The following KLF13 variants were observed in gnomAD, a reference collection of about 807,000 sequenced individuals.
KLF13 encodes the protein Krueppel-like factor 13.
Under a neutral mutation model 16.7 loss-of-function variants are expected in KLF13, and 8 were observed. The ratio of observed to expected loss-of-function variants is 0.48; its 90% CI spans 0.28 to 0.87. The LOEUF is 0.87. Among genes scored for constraint, KLF13 ranks in the 40% least tolerant of loss-of-function variants. KLF13 has a pLI of 0.10. For missense variants in KLF13, 447 were observed against 452.2 expected (o/e 0.99, Z 0.10); for synonymous variants, 245 against 208.4 (o/e 1.18, Z -1.51).
At chr15:31,415,908 G>A (rs766050755) in intron 1 of KLF13, among the ~76,000 whole-genome samples, 1 of 151,750 alleles carries the variant, frequency 6.6e-6, no homozygotes, top group Non-Finnish European at 1.5e-5. Context: ...TAATTTTTAG[G>A]TTGAAATTTT....
intron 1 of KLF13, among the ~76,000 whole-genome samples, chr15:31,338,166 A>T (rs1304838875): frequency 6.6e-6 from 1 of 152,200 alleles, no homozygotes; most frequent in African/African-American, 2.4e-5. Flanking sequence ...AAGTTCACTC[A>T]CTTTAGCCTT....
chr15:31,383,228 C>A (rs946255631), intron 1 of KLF13, among the ~76,000 whole-genome samples: 1 of 152,200 alleles, frequency 6.6e-6, no homozygotes, highest in African/African-American at 2.4e-5. Context: ...TAAACACACT[C>A]CAGTGGGTTT....
chr15:31,427,376 G>T (rs1252823049), intron 1 of KLF13, among the ~76,000 whole-genome samples: 1 of 151,958 alleles, frequency 6.6e-6, no homozygotes, highest in Admixed American at 6.6e-5. Context: ...ACAAGTGTTG[G>T]CAAGAATGTA....
intron 1 of KLF13, among the ~76,000 whole-genome samples, chr15:31,423,591 C>A (rs2141010987): frequency 6.6e-6 from 1 of 152,112 alleles, no homozygotes; most frequent in East Asian, 1.9e-4. Context: ...AAGATTGTGC[C>A]ATTGCACTCC....
intron 1 of KLF13, among the ~76,000 whole-genome samples, chr15:31,354,851 A>G (rs991035559): frequency 3.3e-5 from 5 of 152,158 alleles, no homozygotes; most frequent in South Asian, 4.1e-4. Context: ...TGCAATATCA[A>G]TTTGTCCATA....
chr15:31,328,044 C>G (rs1315978409), intron 1 of KLF13, among the ~76,000 whole-genome samples: 2 of 145,462 alleles, frequency 1.4e-5, no homozygotes, highest in African/African-American at 2.5e-5. Flanking sequence ...CGGGCGCGCT[C>G]GGGTGGGGCC....
chr15:31,327,221 C>G lies in KLF13; in HGVS notation c.9C>G (p.Ala3=), dbSNP rs772130220. ...CGGCCCCAGCCCGCAGCATGGCAGC[C>G]GCCGCCTATGTGGACCACTTCGCCG... is the stretch of plus-strand genomic sequence containing the variant. MA[A]AAYVDHFAAE... is the part of the protein sequence containing the mutation. The change falls in exon 1 of 2, where the codon GCC becomes GCG. Residue 3 remains alanine, a synonymous_variant. Coordinates refer to ENST00000307145, the MANE Select transcript of KLF13 (RefSeq NM_015995.4). 6 of 1,363,420 alleles carry G rather than the reference C, an allele frequency of 4.4e-6. 1 individual carries two copies. The highest frequency in any genetic ancestry group is 2.7e-4 in the Middle Eastern group (1 of 3,678). The allele number at this position is 1,363,420 out of a possible 1,614,324, so 84.5% of individuals were successfully genotyped here. A position where few individuals can be genotyped will look rare whatever the true frequency, so the allele number is the denominator to read the frequency against.
intron 1 of KLF13, among the ~76,000 whole-genome samples, chr15:31,361,264 C>T (rs1475087700): frequency 1.3e-5 from 2 of 152,134 alleles, no homozygotes; most frequent in Non-Finnish European, 2.9e-5. Context: ...TGTTCCTGTT[C>T]CATGCTGGGG....
At chr15:31,361,493 A>G (rs1449443857) in intron 1 of KLF13, among the ~76,000 whole-genome samples, 1 of 152,074 alleles carries the variant, frequency 6.6e-6, no homozygotes, top group Admixed American at 6.5e-5. Context: ...TGTTTGTGCC[A>G]TTGAGTGTCT....
At chr15:31,367,259 G>T (rs957198067) in intron 1 of KLF13, among the ~76,000 whole-genome samples, 1 of 152,208 alleles carries the variant, frequency 6.6e-6, no homozygotes, top group African/African-American at 2.4e-5. Context: ...CTCCTGTTGT[G>T]GGCCAGTTCA....
At chr15:31,385,821 C>T (rs2039790026) in intron 1 of KLF13, among the ~76,000 whole-genome samples, 1 of 152,178 alleles carries the variant, frequency 6.6e-6, no homozygotes, top group Admixed American at 6.5e-5. Context: ...GGAAGAGTCA[C>T]AGGTCTCTCA....
intron 1 of KLF13, among the ~76,000 whole-genome samples, chr15:31,359,276 G>A (rs2039346126): frequency 6.6e-6 from 1 of 152,206 alleles, no homozygotes; most frequent in South Asian, 2.1e-4. Context: ...GAAACCATTG[G>A]TATTCTATTA....
chr15:31,353,439 G>C (rs1169915416), intron 1 of KLF13, among the ~76,000 whole-genome samples: 1 of 152,190 alleles, frequency 6.6e-6, no homozygotes, highest in Non-Finnish European at 1.5e-5. Context: ...CAAAGTCCCT[G>C]CCATCTGGCC....
At position 31,327,126 on chromosome 15, in the gene KLF13, C is replaced by T. The variant is rs1303527992; in HGVS notation, c.-87C>T. On this transcript the variant is annotated 5_prime_UTR_variant, in exon 1 of 2. Coordinates refer to ENST00000307145, the MANE Select transcript of KLF13 (RefSeq NM_015995.4). ...AGGAGAGGGCGCGCCGCGCCCCCGCCCCCCGCCCGCTCTCCCGAGGCCGTG... is the reference window on the plus strand; with the variant it reads ...AGGAGAGGGCGCGCCGCGCCCCCGCTCCCCGCCCGCTCTCCCGAGGCCGTG... The T allele has an allele frequency of 2.6e-6, 3 of 1,140,870 alleles. No homozygotes were observed. Among genetic ancestry groups the T allele is most frequent in the Non-Finnish European group, 3.3e-6 (3 of 916,910 alleles). 70.7% of individuals were successfully genotyped at this position (1,140,870 alleles called of 1,614,324 possible).
At chr15:31,363,867 G>A (rs2039424018) in intron 1 of KLF13, among the ~76,000 whole-genome samples, 1 of 152,164 alleles carries the variant, frequency 6.6e-6, no homozygotes, top group African/African-American at 2.4e-5. Context: ...GAATGTTTGT[G>A]GTTTTATTTT....
chr15:31,408,695 T>A (rs964520997), downstream of KLF13, among the ~76,000 whole-genome samples: 1 of 152,136 alleles, frequency 6.6e-6, no homozygotes, highest in Admixed American at 6.5e-5. Context: ...CTCTGAGCCA[T>A]ATGAGAAAGC....
intron 1 of KLF13, among the ~76,000 whole-genome samples, chr15:31,432,880 C>A (rs945734258): frequency 6.6e-6 from 1 of 151,934 alleles, no homozygotes; most frequent in Admixed American, 6.5e-5. Context: ...TTTGGGAGGC[C>A]GAGGCAGGCG....
At chr15:31,433,863 C>T (rs965599171) in intron 1 of KLF13, among the ~76,000 whole-genome samples, 2 of 152,246 alleles carry the variant, frequency 1.3e-5, no homozygotes, top group African/African-American at 4.8e-5. Flanking sequence ...CACAGCCGCT[C>T]TTGCCCCTCC....
intron 1 of KLF13, among the ~76,000 whole-genome samples, chr15:31,334,697 G>A (rs2038897297): frequency 6.6e-6 from 1 of 152,118 alleles, no homozygotes; most frequent in Non-Finnish European, 1.5e-5. Flanking sequence ...CAAAGTGCTG[G>A]GATTACAGGC....
Sources: gnomAD v4.1 joint callset for allele counts (sites outside exome capture counted in the v4.1 genomes callset) on GRCh38, gnomAD v4.1.1 for gene constraint, MANE v1.5 for transcripts, NCBI Gene and HGNC (gene_info 2026-07-23, HGNC 2026-07-21) for gene names.